Variants in RASGRP1 observed in about 807,000 individuals in gnomAD.
RASGRP1 encodes the protein RAS guanyl releasing protein 1, also known as RAS guanyl-releasing protein 1.
In RASGRP1, 37 loss-of-function variants were observed where a neutral mutation model predicts 95.1. That is an observed-to-expected ratio of 0.39 (90% CI 0.30 to 0.51). RASGRP1 has a LOEUF of 0.51. Among genes scored for constraint, RASGRP1 ranks in the 20% least tolerant of loss-of-function variants. The probability of loss-of-function intolerance (pLI) is 0.80; values close to 1 mark genes in which losing one functional copy is unlikely to be tolerated. For missense variants in RASGRP1, 711 were observed against 965.4 expected, an observed-to-expected ratio of 0.74 and a Z score of 3.49; for synonymous variants, 325 against 353.4, an observed-to-expected ratio of 0.92 and a Z score of 0.90.
chr15:38,557,254 T>C (rs1893598865), intron 2 of RASGRP1, among the ~76,000 whole-genome samples: 1 of 152,194 alleles, frequency 6.6e-6, no homozygotes, highest in African/African-American at 2.4e-5. Flanking sequence ...CCAATTTCCA[T>C]GTCCCAGCCC....
At chr15:38,501,415 TC>T in intron 12 of RASGRP1, 128 bp from the exon 13 acceptor site, 1 of 1,073,262 alleles carries the variant, frequency 9.3e-7, no homozygotes, top group Middle Eastern at 2.0e-4. Flanking sequence ...ATGTGCTACC[TC>T]ATGATTACTT....
intron 2 of RASGRP1, among the ~76,000 whole-genome samples, chr15:38,531,614 G>A (rs1016365198): frequency 2.0e-5 from 3 of 151,988 alleles, no homozygotes; most frequent in African/African-American, 4.8e-5. Flanking sequence ...TTTCAGTGAC[G>A]TTCCCAAAGT....
chr15:38,494,540 C>T lies in RASGRP1; in HGVS notation c.2101G>A (p.Asp701Asn). 2 of 1,589,040 alleles carry T rather than the reference C, an allele frequency of 1.3e-6. No homozygotes were observed. The highest frequency in any genetic ancestry group is 1.3e-5 in the African/African-American group (1 of 74,562). Reference sequence around the variant, plus strand: ...GGACTGGGAAGCACATATAGAGTATCCTGGGCTGTCTTCCTTGGGGAAGAC... The same window carrying T: ...GGACTGGGAAGCACATATAGAGTATTCTGGGCTGTCTTCCTTGGGGAAGAC... ...VLSSPRKTAQ[D>N]TLYVLPSPTS... Residue 701 changes from aspartate to asparagine, a missense_variant, in exon 16 of 17, where the codon GAT (aspartate) becomes AAT (asparagine). Transcript: ENST00000310803.
Position 38,502,439 on chromosome 15 carries a change from T to A in RASGRP1, c.1429-18A>T. On this transcript the variant is annotated intron_variant, in intron 11 of 16. Transcript: ENST00000310803. ...AAGACAGACTGTGAAAAAGGAGTTT[T>A]TTTGGTGATTACTAAAGAGAAACCG... 1 of 1,478,912 alleles carries A rather than the reference T, an allele frequency of 6.8e-7. No individual in the cohort carries two copies. The highest frequency in any genetic ancestry group is 1.2e-5 in the South Asian group (1 of 86,454). The allele number at this position is 1,478,912 out of a possible 1,614,324, so 91.6% of individuals were successfully genotyped here. A position where few individuals can be genotyped will look rare whatever the true frequency, so the allele number is the denominator to read the frequency against.
chr15:38,531,709 G>C (rs919967964), intron 2 of RASGRP1, among the ~76,000 whole-genome samples: 1 of 152,156 alleles, frequency 6.6e-6, no homozygotes, highest in Admixed American at 6.5e-5. Flanking sequence ...ACTCAGCCAA[G>C]GGAGGCAGAG....
In RASGRP1 at chr15:38,490,340, G is replaced by T. The variant is rs1890523917; in HGVS notation, c.*214C>A. ...CAGTGGTATGAATAGCAAAAGTTTT[G>T]CATTCTTTAGTTTTCCCCCTTTGAG... On this transcript the variant is annotated 3_prime_UTR_variant, in exon 17 of 17. Transcript: ENST00000310803. The T allele has an allele frequency of 2.5e-6, 1 of 399,892 alleles. No individual in the cohort carries two copies. The highest frequency in any genetic ancestry group is 4.3e-6 in the Non-Finnish European group (1 of 233,548). The allele number at this position is 399,892 out of a possible 1,614,324, so 24.8% of individuals were successfully genotyped here.
chr15:38,516,965 A>T (rs1891814352), intron 5 of RASGRP1, among the ~76,000 whole-genome samples: 1 of 152,116 alleles, frequency 6.6e-6, no homozygotes, highest in Non-Finnish European at 1.5e-5. Context: ...ATTTTCTTGT[A>T]ATCAACCCAT....
chr15:38,538,079 C>T (rs1475787496), intron 2 of RASGRP1, among the ~76,000 whole-genome samples: 1 of 152,134 alleles, frequency 6.6e-6, no homozygotes, highest in South Asian at 2.1e-4. Context: ...GCCTAGCCAA[C>T]ATGACAAAAC....
At chr15:38,499,067 A>G (rs1479121146) in intron 14 of RASGRP1, 121 bp from the exon 15 acceptor site, 4 of 1,326,644 alleles carry the variant, frequency 3.0e-6, no homozygotes, top group Non-Finnish European at 4.3e-6. Context: ...TTCTGGAGCT[A>G]AGACACTTAA....
At chr15:38,538,290 T>C (rs1892739906) in intron 2 of RASGRP1, among the ~76,000 whole-genome samples, 1 of 152,114 alleles carries the variant, frequency 6.6e-6, no homozygotes, top group Non-Finnish European at 1.5e-5. Flanking sequence ...CAAAAAAGAA[T>C]GTGCTTCAGA....
intron 1 of RASGRP1, among the ~76,000 whole-genome samples, chr15:38,561,473 C>T (rs940515597): frequency 6.6e-6 from 1 of 152,218 alleles, no homozygotes; most frequent in Non-Finnish European, 1.5e-5. Flanking sequence ...GGGACAGTGT[C>T]TGGGAAAGCT....
intron 1 of RASGRP1, among the ~76,000 whole-genome samples, chr15:38,560,991 C>T (rs1893786096): frequency 6.6e-6 from 1 of 152,162 alleles, no homozygotes; most frequent in Non-Finnish European, 1.5e-5. Context: ...CACACAGATC[C>T]ATATCTATAA....
chr15:38,548,806 CCAA>C (rs1893209780), intron 2 of RASGRP1, among the ~76,000 whole-genome samples: 1 of 152,162 alleles, frequency 6.6e-6, no homozygotes, highest in African/African-American at 2.4e-5. Flanking sequence ...GGGTCCTCCT[CCAA>C]CATTTCTCCT....
intron 8 of RASGRP1, among the ~76,000 whole-genome samples, chr15:38,510,256 G>C (rs913423670): frequency 3.3e-5 from 5 of 152,152 alleles, no homozygotes; most frequent in Non-Finnish European, 7.3e-5. Flanking sequence ...TGACATGAAG[G>C]CTTCTTAATC....
Position 38,498,836 on chromosome 15 carries a change from C to G in RASGRP1, c.1831G>C (p.Val611Leu), listed in dbSNP as rs753586174. 1 of 1,613,872 alleles carries G rather than the reference C, an allele frequency of 6.2e-7. No individual in the cohort carries two copies. Among genetic ancestry groups the G allele is most frequent in the Non-Finnish European group, 8.5e-7 (1 of 1,179,862 alleles). Residue 611 changes from valine (V) to leucine (L), a missense_variant, in exon 15 of 17, where the codon GTG becomes CTG. Val to Leu is a conservative substitution (Grantham distance 32). Transcript: ENST00000310803. ...GCTCCCAATGAGCAAAGGTTGGACA[C>G]TGGCCCCACAGAAGTGTTGTTCTCT... ...PTENNTSVGP[V>L]SNLCSLGAKD...
chr15:38,520,841 T>TGGAAACAGTAAGATTTGC (rs1308951664), intron 3 of RASGRP1, among the ~76,000 whole-genome samples: 1 of 152,162 alleles, frequency 6.6e-6, no homozygotes, highest in Non-Finnish European at 1.5e-5. Flanking sequence ...GCTAGACTTA[T>TGGAAACAGTAAGATTTGC]GGAAACAGTA....
chr15:38,519,477 A>G lies in RASGRP1; in HGVS notation c.327-106T>C, dbSNP rs1891915536. ...CTACCTCCCAAAATATTTTTTCTAA[A>G]AAATGAAAATGTGATGCTTTATCTT... On this transcript the variant is annotated intron_variant, in intron 3 of 16. Transcript: ENST00000310803. The G allele has an allele frequency of 3.5e-6, 3 of 848,858 alleles. No individual in the cohort carries two copies. In the Admixed American group the frequency reaches 6.9e-5, roughly 20 times the overall value. The allele number at this position is 848,858 out of a possible 1,614,324, so 52.6% of individuals were successfully genotyped here.
At chr15:38,490,800 TAAC>T (rs1890544895) in intron 16 of RASGRP1, 112 bp from the exon 17 acceptor site, 9 of 1,132,872 alleles carry the variant, frequency 7.9e-6, no homozygotes, top group African/African-American at 3.1e-5. Context: ...GGCTGAGAAT[TAAC>T]AACCATTTTC....
At chr15:38,562,697 T>A (rs1354807243) in intron 1 of RASGRP1, among the ~76,000 whole-genome samples, 1 of 152,186 alleles carries the variant, frequency 6.6e-6, no homozygotes, top group African/African-American at 2.4e-5. Flanking sequence ...AGAGGCTCTA[T>A]CTACTGACAG....
Sources: allele counts gnomAD v4.1 joint callset (sites outside exome capture counted in the v4.1 genomes callset), GRCh38; gene constraint gnomAD v4.1.1; transcripts MANE v1.5; gene names NCBI Gene and HGNC (gene_info 2026-07-23, HGNC 2026-07-21).